The following DAB1 variants were observed in gnomAD, a reference collection of about 807,000 sequenced individuals.
DAB1 encodes DAB adaptor protein 1, also known as disabled homolog 1.
In DAB1, 15 loss-of-function variants were observed where a neutral mutation model predicts 64.6. The observed-to-expected ratio is 0.23, with a 90% CI of 0.16 to 0.36. The LOEUF (loss-of-function observed/expected upper bound fraction) is 0.36. Among genes scored for constraint, DAB1 ranks in the 10% least tolerant of loss-of-function variants. The pLI is 1.00. For missense variants in DAB1, 596 were observed against 706.7 expected (o/e 0.84, Z 1.78); for synonymous variants, 235 against 251.9 (o/e 0.93, Z 0.64).
chr1:57,128,179 A>ATAAG (rs1657326762), intron 4 of DAB1, among the ~76,000 whole-genome samples: 2 of 151,218 alleles, frequency 1.3e-5, no homozygotes, highest in South Asian at 4.2e-4. Flanking sequence ...AAATAAATAA[A>ATAAG]TAAATAAATA....
At chr1:57,466,125 A>G (rs1686946788) in intron 7 of DAB1, among the ~76,000 whole-genome samples, 1 of 152,316 alleles carries the variant, frequency 6.6e-6, no homozygotes, top group Admixed American at 6.5e-5. Context: ...CAGAGCCACT[A>G]TCAAGAGAAT....
intron 3 of DAB1, among the ~76,000 whole-genome samples, chr1:58,401,852 T>A (rs1644572148): frequency 6.6e-6 from 1 of 152,256 alleles, no homozygotes; most frequent in Non-Finnish European, 1.5e-5. Context: ...ATTCAGGCTA[T>A]CCCCATGTCA....
chr1:58,131,011 C>T (rs1465424414), intron 5 of DAB1, among the ~76,000 whole-genome samples: 4 of 131,992 alleles, frequency 3.0e-5, no homozygotes, highest in Admixed American at 7.5e-5. Flanking sequence ...GCCTGCCTTG[C>T]TAGATTGGGG....
At chr1:58,491,035 C>T (rs1645678507) in intron 3 of DAB1, among the ~76,000 whole-genome samples, 1 of 151,812 alleles carries the variant, frequency 6.6e-6, no homozygotes, top group Non-Finnish European at 1.5e-5. Context: ...TCTCAATCTC[C>T]TGACCTCGTG....
chr1:58,331,149 G>A (rs1662959824), intron 4 of DAB1, among the ~76,000 whole-genome samples: 2 of 152,202 alleles, frequency 1.3e-5, no homozygotes, highest in South Asian at 4.1e-4. Flanking sequence ...GTTGGAAGAA[G>A]TTGATTCCAA....
chr1:58,013,944 A>G (rs764124248), intron 5 of DAB1, among the ~76,000 whole-genome samples: 11 of 151,016 alleles, frequency 7.3e-5, no homozygotes, highest in Non-Finnish European at 1.5e-4. Flanking sequence ...ATTCACCAGC[A>G]CACCACTGGT....
chr1:58,367,982 G>A (rs1423455851), intron 3 of DAB1, among the ~76,000 whole-genome samples: 1 of 152,126 alleles, frequency 6.6e-6, no homozygotes, highest in Non-Finnish European at 1.5e-5. Flanking sequence ...GCCATTACAT[G>A]GCACTGTTTG....
intron 5 of DAB1, among the ~76,000 whole-genome samples, chr1:58,025,989 GT>G: frequency 6.6e-6 from 1 of 151,970 alleles, no homozygotes; most frequent in Non-Finnish European, 1.5e-5. Flanking sequence ...CATCCTTCAA[GT>G]TTTAACTAAA....
intron 5 of DAB1, among the ~76,000 whole-genome samples, chr1:57,999,332 T>C (rs1360001512): frequency 6.6e-6 from 1 of 152,164 alleles, no homozygotes; most frequent in Non-Finnish European, 1.5e-5. Flanking sequence ...ACCAGCAGCA[T>C]CAGCAGCTTG....
At chr1:58,151,291 T>C (rs1654921482) in intron 4 of DAB1, among the ~76,000 whole-genome samples, 1 of 152,250 alleles carries the variant, frequency 6.6e-6, no homozygotes, top group Non-Finnish European at 1.5e-5. Flanking sequence ...ATGGTTGAAC[T>C]AGTTTACAGT....
chr1:57,851,977 C>T (rs1457012083), intron 1 of DAB1, among the ~76,000 whole-genome samples: 1 of 152,160 alleles, frequency 6.6e-6, no homozygotes, highest in Non-Finnish European at 1.5e-5. Flanking sequence ...AACACAATAC[C>T]CCAAAGCATA....
At chr1:57,833,337 T>C (rs1369615054) in intron 1 of DAB1, among the ~76,000 whole-genome samples, 1 of 152,222 alleles carries the variant, frequency 6.6e-6, no homozygotes, top group Non-Finnish European at 1.5e-5. Context: ...ACATTAACTG[T>C]TGCATGTTTC....
chr1:57,247,567 A>G (rs1419882947), intron 2 of DAB1, among the ~76,000 whole-genome samples: 1 of 152,190 alleles, frequency 6.6e-6, no homozygotes, highest in Non-Finnish European at 1.5e-5. Flanking sequence ...ATTTTCATGA[A>G]TTGTGAACTT....
intron 5 of DAB1, among the ~76,000 whole-genome samples, chr1:58,091,994 A>G (rs189069085): frequency 9.5e-4 from 144 of 150,900 alleles, no homozygotes; most frequent in African/African-American, 3.4e-3. Flanking sequence ...AGTAGCTTTA[A>G]GTGGTTTATT....
At chr1:58,162,999 C>T (rs1655624678) in intron 4 of DAB1, among the ~76,000 whole-genome samples, 1 of 152,130 alleles carries the variant, frequency 6.6e-6, no homozygotes, top group South Asian at 2.1e-4. Context: ...TGCTGCTAAA[C>T]ATCCTACAAC....
At chr1:58,417,895 G>C (rs895038989) in intron 3 of DAB1, among the ~76,000 whole-genome samples, 1 of 152,160 alleles carries the variant, frequency 6.6e-6, no homozygotes, top group African/African-American at 2.4e-5. Flanking sequence ...AATGAGAGAA[G>C]AGTGAAAGTG....
chr1:57,134,633 A>G (rs971507856), intron 4 of DAB1, among the ~76,000 whole-genome samples: 10 of 152,082 alleles, frequency 6.6e-5, no homozygotes, highest in African/African-American at 2.4e-4. Context: ...AAGTTTACCT[A>G]TATAACAAAC....
intron 5 of DAB1, among the ~76,000 whole-genome samples, chr1:58,039,996 T>C (rs1446665555): frequency 6.6e-6 from 1 of 152,170 alleles, no homozygotes; most frequent in Non-Finnish European, 1.5e-5. Flanking sequence ...TACCTATTGC[T>C]TCACCAGTGC....
intron 6 of DAB1, among the ~76,000 whole-genome samples, chr1:57,733,889 C>T (rs1166451255): frequency 6.6e-6 from 1 of 151,938 alleles, no homozygotes; most frequent in Non-Finnish European, 1.5e-5. Flanking sequence ...AGAAGCAGCA[C>T]AGGGAAGGGA....
Sources: allele counts gnomAD v4.1 joint callset (sites outside exome capture counted in the v4.1 genomes callset), GRCh38; gene constraint gnomAD v4.1.1; transcripts MANE v1.5; gene names NCBI Gene and HGNC (gene_info 2026-07-23, HGNC 2026-07-21).